Variants in LBR observed in about 807,000 individuals in gnomAD.
LBR encodes lamin B receptor, also known as delta(14)-sterol reductase LBR.
LBR carries 28 observed loss-of-function variants against 74.3 expected under a neutral mutation model. That is an observed-to-expected ratio of 0.38 (90% CI 0.28 to 0.52). The LOEUF is 0.52. Ranked by LOEUF, LBR falls within the 20% of genes least tolerant of loss-of-function variation. The pLI, the probability that LBR is intolerant of heterozygous loss-of-function variation, is 0.89. For synonymous variants in LBR, 228 were observed against 269.3 expected, an observed-to-expected ratio of 0.85 and a Z score of 1.50; for missense variants, 717 against 760.3, an observed-to-expected ratio of 0.94 and a Z score of 0.67.
chr1:225,421,766 A>G (rs766955900), intron 3 of LBR, among the ~76,000 whole-genome samples: 3 of 152,248 alleles, frequency 2.0e-5, no homozygotes, highest in Non-Finnish European at 4.4e-5. Flanking sequence ...CATTTCATAC[A>G]TGATATGAAC....
chr1:225,423,416 C>G (rs1417523), intron 2 of LBR, among the ~76,000 whole-genome samples: 2 of 151,712 alleles, frequency 1.3e-5, no homozygotes, highest in African/African-American at 2.4e-5. Context: ...TAAAAGCCCC[C>G]CCAGCCTGGC....
chr1:225,418,459 A>T (rs555359535), intron 5 of LBR, among the ~76,000 whole-genome samples: 7 of 152,288 alleles, frequency 4.6e-5, no homozygotes, highest in African/African-American at 1.7e-4. Context: ...CCAAGCTCTA[A>T]AACATTTGAC....
At chr1:225,415,399 C>T (rs762488472) in intron 6 of LBR, 67 bp from the exon 7 acceptor site, 6 of 788,022 alleles carry the variant, frequency 7.6e-6, no homozygotes, top group Admixed American at 4.6e-5. Flanking sequence ...TATACACACA[C>T]ACATATATAT....
intron 10 of LBR, among the ~76,000 whole-genome samples, chr1:225,408,420 G>C (rs1289172037): frequency 6.6e-6 from 1 of 152,220 alleles, no homozygotes; most frequent in Non-Finnish European, 1.5e-5. Flanking sequence ...GTGGCAGTGA[G>C]AGGGCAAAGG....
At chr1:225,421,008 A>C (rs1482744862) in intron 3 of LBR, among the ~76,000 whole-genome samples, 1 of 152,208 alleles carries the variant, frequency 6.6e-6, no homozygotes, top group Non-Finnish European at 1.5e-5. Context: ...GAAAAACACT[A>C]AATGTCTATC....
intron 2 of LBR, 85 bp from the exon 3 acceptor site, chr1:225,422,362 C>T (rs564505974): frequency 7.6e-5 from 81 of 1,069,994 alleles, no homozygotes; most frequent in Non-Finnish European, 8.4e-5. Flanking sequence ...ATAACAAAGG[C>T]AGGAACTGCT....
chr1:225,422,135 T>C lies in LBR; in HGVS notation c.308A>G (p.Gln103Arg). Residue 103 changes from glutamine to arginine, a missense_variant, in exon 3 of 14, where the codon CAG (glutamine) becomes CGG (arginine). Coordinates refer to ENST00000272163, the MANE Select transcript of LBR (RefSeq NM_002296.4). ...SARRSASASH[Q>R]ADIKEARREV... is the part of the protein sequence containing the mutation. Reference sequence around the variant, plus strand: ...CCTCCTTGCTTCCTTAATGTCGGCCTGGTGGGAAGCAGAAGCAGATCGGCG... The same window carrying C: ...CCTCCTTGCTTCCTTAATGTCGGCCCGGTGGGAAGCAGAAGCAGATCGGCG... 1 of 1,614,138 alleles carries C rather than the reference T, an allele frequency of 6.2e-7. No individual in the cohort carries two copies. The highest frequency in any genetic ancestry group is 8.5e-7 in the Non-Finnish European group (1 of 1,180,038).
In LBR at chr1:225,422,605, G is replaced by A. The variant is rs148761424; in HGVS notation, c.166-328C>T. On this transcript the variant is annotated intron_variant, in intron 2 of 13. Coordinates refer to ENST00000272163, the MANE Select transcript of LBR (RefSeq NM_002296.4). ...AATTAACATGGATTAAAACTGAGAC[G>A]ACAGGACAAAATAAATAAGCACACA... 2.3e-4 allele frequency among the ~76,000 whole-genome samples: 34 copies of A among 149,872 alleles called. No homozygotes were observed. In the East Asian group the frequency reaches 5.3e-3, roughly 23 times the overall value.
At chr1:225,416,747 G>A (rs560070132) in intron 6 of LBR, among the ~76,000 whole-genome samples, 1 of 152,194 alleles carries the variant, frequency 6.6e-6, no homozygotes, top group Non-Finnish European at 1.5e-5. Flanking sequence ...AGCTGAATAT[G>A]TACAGACTTC....
chr1:225,410,991 C>T (rs1267099491), intron 9 of LBR, among the ~76,000 whole-genome samples: 3 of 152,288 alleles, frequency 2.0e-5, no homozygotes, highest in Non-Finnish European at 2.9e-5. Flanking sequence ...GAACTCTTTG[C>T]TCTCTATCTG....
Position 225,419,354 on chromosome 1 carries a change from C to G in LBR, c.549G>C (p.Lys183Asn). The G allele has an allele frequency of 6.2e-7, 1 of 1,614,164 alleles. No homozygotes were observed. The highest frequency in any genetic ancestry group is 8.5e-7 in the Non-Finnish European group (1 of 1,180,000). Reference protein sequence around the residue: ...EEVKLKEIDSKEEKYVAKELA... With the variant: ...EEVKLKEIDSNEEKYVAKELA... ...GTTCTTTTGCAACGTATTTTTCTTC[C>G]TTAGAATCTATTTCTTTTAATTTGA... Residue 183 changes from lysine to asparagine, a missense_variant, in exon 5 of 14, where the codon AAG becomes AAC. Lys to Asn is a moderately conservative substitution (Grantham distance 94). Coordinates refer to ENST00000272163, the MANE Select transcript of LBR (RefSeq NM_002296.4).
chr1:225,428,785 C>G (rs1406634479), upstream of LBR: 1 of 152,242 alleles, frequency 6.6e-6, no homozygotes, highest in Non-Finnish European at 1.5e-5. Flanking sequence ...GAGCGTGGAA[C>G]AAGAAGTTTT....
At chr1:225,412,057 G>A (rs894940667) in intron 8 of LBR, among the ~76,000 whole-genome samples, 10 of 152,194 alleles carry the variant, frequency 6.6e-5, no homozygotes, top group African/African-American at 1.2e-4. Context: ...TGATCCACCC[G>A]CCTTGGCCTC....
At chr1:225,419,994 T>C (rs2096124628) in intron 3 of LBR, among the ~76,000 whole-genome samples, 196 bp from the exon 4 acceptor site, 1 of 152,196 alleles carries the variant, frequency 6.6e-6, no homozygotes, top group Admixed American at 6.5e-5. Flanking sequence ...CTCTGAAATA[T>C]TGGATAGATT....
intron 3 of LBR, among the ~76,000 whole-genome samples, chr1:225,421,872 G>A (rs1317805420): frequency 2.6e-5 from 4 of 152,092 alleles, no homozygotes; most frequent in African/African-American, 9.7e-5. Context: ...ATATTAAATA[G>A]CATTTCTGGT....
At chr1:225,408,712 T>C (rs2096097746) in intron 10 of LBR, among the ~76,000 whole-genome samples, 1 of 152,260 alleles carries the variant, frequency 6.6e-6, no homozygotes, top group Non-Finnish European at 1.5e-5. Context: ...GCTGAGATAC[T>C]GAGAACAGAC....
At chr1:225,416,214 AGAG>A (rs1460833384) in intron 6 of LBR, among the ~76,000 whole-genome samples, 5 of 128,746 alleles carry the variant, frequency 3.9e-5, no homozygotes, top group African/African-American at 1.4e-4. Context: ...AAAAAAAAAA[AGAG>A]AGAGAGAGAG....
intron 10 of LBR, among the ~76,000 whole-genome samples, chr1:225,408,307 A>G (rs2096096681): frequency 6.6e-6 from 1 of 152,202 alleles, no homozygotes; most frequent in Non-Finnish European, 1.5e-5. Context: ...TCTGTCCCCA[A>G]GAGTGTCTTA....
At chr1:225,410,932 G>A (rs75377608) in intron 9 of LBR, among the ~76,000 whole-genome samples, 236 of 152,246 alleles carry the variant, frequency 1.6e-3, no homozygotes, top group African/African-American at 5.4e-3. Flanking sequence ...ACTACACTAC[G>A]GTTTCCTCCA....
Sources: gnomAD v4.1 joint callset for allele counts (sites outside exome capture counted in the v4.1 genomes callset) on GRCh38, gnomAD v4.1.1 for gene constraint, MANE v1.5 for transcripts, NCBI Gene and HGNC (gene_info 2026-07-23, HGNC 2026-07-21) for gene names.